Variants in C12orf42 observed in about 807,000 individuals in gnomAD.
The protein encoded by C12orf42 is uncharacterized protein C12orf42.
C12orf42 carries 25 observed loss-of-function variants against 21.6 expected under a neutral mutation model. The ratio of observed to expected loss-of-function variants is 1.16; its 90% CI spans 0.84 to 1.62. The LOEUF (loss-of-function observed/expected upper bound fraction) is 1.62, where lower values mean the gene tolerates loss of function less well. Ranked by LOEUF, C12orf42 falls within the 40% of genes most tolerant of loss-of-function variation. C12orf42 has a pLI of 0.00. For synonymous variants in C12orf42, 174 were observed against 175.0 expected, an observed-to-expected ratio of 0.99 and a Z score of 0.05; for missense variants, 483 against 459.3, an observed-to-expected ratio of 1.05 and a Z score of -0.47.
At chr12:103,239,885 A>G (rs1193225205) in intron 10 of C12orf42, among the ~76,000 whole-genome samples, 1 of 152,162 alleles carries the variant, frequency 6.6e-6, no homozygotes, top group Admixed American at 6.6e-5. Flanking sequence ...GAACTTCCAG[A>G]TGGAGACTGG....
intron 3 of C12orf42, among the ~76,000 whole-genome samples, chr12:103,372,499 AT>A (rs2045342462): frequency 6.6e-6 from 1 of 152,158 alleles, no homozygotes; most frequent in Admixed American, 6.5e-5. Flanking sequence ...AGGACCCAGC[AT>A]CACCAACGTT....
intron 2 of C12orf42, among the ~76,000 whole-genome samples, chr12:103,408,670 G>T (rs925214289): frequency 1.3e-5 from 2 of 152,120 alleles, no homozygotes; most frequent in Non-Finnish European, 2.9e-5. Flanking sequence ...ATGGGAAAAT[G>T]GATTTTTAAC....
chr12:103,432,140 C>T (rs1950311965), intron 2 of C12orf42, among the ~76,000 whole-genome samples: 1 of 152,308 alleles, frequency 6.6e-6, no homozygotes, highest in Middle Eastern at 3.4e-3. Flanking sequence ...CACATGCTCA[C>T]TTGAGGCATT....
chr12:103,241,478 T>C (rs1410919713), intron 10 of C12orf42, among the ~76,000 whole-genome samples: 1 of 152,178 alleles, frequency 6.6e-6, no homozygotes, highest in Non-Finnish European at 1.5e-5. Flanking sequence ...TGGCAAATTT[T>C]CCTATTTACC....
chr12:103,103,804 CT>C, the C12orf42 span, among the ~76,000 whole-genome samples: 787 of 142,962 alleles, frequency 5.5e-3, 5 homozygotes, highest in African/African-American at 0.015. Flanking sequence ...TAATAGCTCA[CT>C]TTTTTTTTTT....
In C12orf42 at chr12:103,301,965, A is replaced by G; in HGVS notation, c.*143T>C. 2 of 963,384 alleles carry G rather than the reference A, an allele frequency of 2.1e-6. No homozygotes were observed. The highest frequency in any genetic ancestry group is 3.0e-6 in the Non-Finnish European group (2 of 655,940). 59.7% of individuals were successfully genotyped at this position (963,384 alleles called of 1,614,324 possible). On this transcript the variant is annotated 3_prime_UTR_variant, in exon 6 of 6. Transcript: ENST00000548883. ...TTTGGCTGCGCTAGGGACTTTTGAC[A>G]TTATTTATTAGGTTCAAAAATGCTT...
At chr12:103,391,349 T>C (rs904442166) in intron 3 of C12orf42, among the ~76,000 whole-genome samples, 1 of 152,190 alleles carries the variant, frequency 6.6e-6, no homozygotes, top group Admixed American at 6.5e-5. Flanking sequence ...AACACCAAAC[T>C]GTATTAACAA....
intron 10 of C12orf42, among the ~76,000 whole-genome samples, chr12:103,246,389 T>C (rs1460497327): frequency 6.6e-6 from 1 of 152,052 alleles, no homozygotes; most frequent in Non-Finnish European, 1.5e-5. Flanking sequence ...ACATTTACCA[T>C]ACATTAATTT....
At chr12:103,172,411 C>A in the C12orf42 span, among the ~76,000 whole-genome samples, 7 of 152,076 alleles carry the variant, frequency 4.6e-5, no homozygotes, top group Non-Finnish European at 1.0e-4. Context: ...ATGATACTAG[C>A]AATTATAATA....
At chr12:103,233,127 T>C (rs565714274), downstream of C12orf42, among the ~76,000 whole-genome samples, 7 of 152,338 alleles carry the variant, frequency 4.6e-5, no homozygotes, top group African/African-American at 1.7e-4. Context: ...CAAAGATCGA[T>C]TGACTATATT....
At chr12:103,559,575 C>G in the C12orf42 span, 1 of 152,150 alleles carries the variant, frequency 6.6e-6, no homozygotes, top group African/African-American at 2.4e-5. Context: ...GCAGAGAAAA[C>G]AGCAGACTCA....
At chr12:103,129,047 TC>T in the C12orf42 span, among the ~76,000 whole-genome samples, 3 of 152,190 alleles carry the variant, frequency 2.0e-5, no homozygotes, top group African/African-American at 7.2e-5. Flanking sequence ...TGGGTGGCCT[TC>T]CTGTGCATCT....
At chr12:103,518,313 C>T in the C12orf42 span, among the ~76,000 whole-genome samples, 141 of 152,254 alleles carry the variant, frequency 9.3e-4, no homozygotes, top group African/African-American at 3.3e-3. Flanking sequence ...AGCCATTTAG[C>T]CAGGAAACCA....
chr12:103,399,014 C>T (rs2047762432), intron 3 of C12orf42, among the ~76,000 whole-genome samples: 1 of 152,028 alleles, frequency 6.6e-6, no homozygotes, highest in Non-Finnish European at 1.5e-5. Flanking sequence ...CATTCATATG[C>T]ATACTATCTC....
chr12:103,138,019 G>A, the C12orf42 span, among the ~76,000 whole-genome samples: 1 of 151,890 alleles, frequency 6.6e-6, no homozygotes, highest in South Asian at 2.1e-4. Flanking sequence ...TAGAAAGGAA[G>A]ACTTGAAATG....
At chr12:103,553,315 G>T in the C12orf42 span, among the ~76,000 whole-genome samples, 2 of 152,126 alleles carry the variant, frequency 1.3e-5, no homozygotes, top group African/African-American at 4.8e-5. Flanking sequence ...TGAAGGTTTG[G>T]AGAAGTATTA....
intron 2 of C12orf42, among the ~76,000 whole-genome samples, chr12:103,461,643 C>A (rs1952708484): frequency 6.6e-6 from 1 of 152,150 alleles, no homozygotes; most frequent in African/African-American, 2.4e-5. Context: ...GAATTCTTGA[C>A]TCACTTCTGA....
At chr12:103,248,956 T>C (rs928060964) in intron 10 of C12orf42, among the ~76,000 whole-genome samples, 1 of 152,044 alleles carries the variant, frequency 6.6e-6, no homozygotes, top group Non-Finnish European at 1.5e-5. Context: ...TCTCTGTGAA[T>C]ACATAGATTG....
chr12:103,061,330 A>G, the C12orf42 span, among the ~76,000 whole-genome samples: 1 of 152,154 alleles, frequency 6.6e-6, no homozygotes, highest in Non-Finnish European at 1.5e-5. Context: ...TAGGATGGGT[A>G]TAGGAAAGTA....
Sources: allele counts gnomAD v4.1 joint callset (sites outside exome capture counted in the v4.1 genomes callset), GRCh38; gene constraint gnomAD v4.1.1; transcripts MANE v1.5; gene names NCBI Gene and HGNC (gene_info 2026-07-23, HGNC 2026-07-21).